Variants in SLC36A1 observed in about 807,000 individuals in gnomAD.
SLC36A1 encodes solute carrier family 36 member 1, also known as proton-coupled amino acid transporter 1.
SLC36A1 carries 30 observed loss-of-function variants against 47.5 expected under a neutral mutation model. The ratio of observed to expected loss-of-function variants is 0.63; its 90% CI spans 0.47 to 0.86. The LOEUF (loss-of-function observed/expected upper bound fraction) is 0.86, where lower values mean the gene tolerates loss of function less well. SLC36A1 is among the 40% of genes least tolerant of loss of function. The pLI is 0.00. For missense variants in SLC36A1, 517 were observed against 606.0 expected, an observed-to-expected ratio of 0.85 and a Z score of 1.54; for synonymous variants, 255 against 249.7, an observed-to-expected ratio of 1.02 and a Z score of -0.20.
the SLC36A1 span, among the ~76,000 whole-genome samples, chr5:151,417,173 A>G: frequency 1.3e-5 from 2 of 152,242 alleles, no homozygotes; most frequent in African/African-American, 2.4e-5. Context: ...GAGCACTGCT[A>G]TAAAGATACT....
At chr5:151,529,812 G>T in the SLC36A1 span, among the ~76,000 whole-genome samples, 4 of 152,090 alleles carry the variant, frequency 2.6e-5, no homozygotes, top group Non-Finnish European at 5.9e-5. Flanking sequence ...AGACCTCAGG[G>T]CATAAAATGA....
At chr5:151,367,379 A>T in the SLC36A1 span, among the ~76,000 whole-genome samples, 1 of 72,034 alleles carries the variant, frequency 1.4e-5, no homozygotes, top group African/African-American at 1.1e-4. Flanking sequence ...TTTTTTCCCC[A>T]GGGTATTAAT....
At chr5:151,523,205 A>G in the SLC36A1 span, among the ~76,000 whole-genome samples, 2 of 152,214 alleles carry the variant, frequency 1.3e-5, no homozygotes, top group Non-Finnish European at 2.9e-5. Flanking sequence ...ATTAATAGCA[A>G]CAATAATAAT....
chr5:151,532,031 G>A, the SLC36A1 span: 68 of 1,578,824 alleles, frequency 4.3e-5, no homozygotes, highest in Admixed American at 7.1e-5. Context: ...CCTGCCTGCA[G>A]CAAACCCTGC....
chr5:151,413,229 C>CTTT, the SLC36A1 span, among the ~76,000 whole-genome samples: 825 of 144,976 alleles, frequency 5.7e-3, 9 homozygotes, highest in African/African-American at 0.019. Context: ...ACCTAGGCAT[C>CTTT]TTTTTTTTTT....
chr5:151,368,200 G>T, the SLC36A1 span, among the ~76,000 whole-genome samples: 22 of 152,192 alleles, frequency 1.4e-4, no homozygotes, highest in Non-Finnish European at 1.2e-4. Flanking sequence ...GCCAAAACTG[G>T]ATGGATCATT....
the SLC36A1 span, among the ~76,000 whole-genome samples, chr5:151,389,481 T>C: frequency 3.9e-5 from 6 of 152,204 alleles, no homozygotes; most frequent in African/African-American, 1.2e-4. Flanking sequence ...TACGTATGTA[T>C]ACATGTGCGA....
At chr5:151,543,347 T>A in the SLC36A1 span, 1 of 1,614,218 alleles carries the variant, frequency 6.2e-7, no homozygotes, top group Non-Finnish European at 8.5e-7. Context: ...TTGGATTGAA[T>A]GGATACTGTG....
At chr5:151,484,840 C>T (rs979185377) in intron 10 of SLC36A1, among the ~76,000 whole-genome samples, 2 of 152,062 alleles carry the variant, frequency 1.3e-5, no homozygotes, top group Non-Finnish European at 2.9e-5. Context: ...CTGGGCATTC[C>T]AAATCCAGAG....
the SLC36A1 span, among the ~76,000 whole-genome samples, chr5:151,352,645 T>C: frequency 1.3e-5 from 2 of 152,140 alleles, no homozygotes; most frequent in Non-Finnish European, 2.9e-5. Context: ...CTGTTTCCTT[T>C]GTTGTTGTTG....
At chr5:151,369,895 A>G in the SLC36A1 span, among the ~76,000 whole-genome samples, 3 of 152,142 alleles carry the variant, frequency 2.0e-5, no homozygotes, top group African/African-American at 7.2e-5. Flanking sequence ...CCCAGATTCA[A>G]GCCATTCTCA....
At chr5:151,365,467 A>G in the SLC36A1 span, among the ~76,000 whole-genome samples, 54 of 152,320 alleles carry the variant, frequency 3.5e-4, no homozygotes, top group South Asian at 4.1e-4. Flanking sequence ...AATTGGCCCC[A>G]CCAATCAGCA....
chr5:151,427,506 GCTTAGTTC>G, the SLC36A1 span, among the ~76,000 whole-genome samples: 1 of 152,132 alleles, frequency 6.6e-6, no homozygotes, highest in East Asian at 1.9e-4. Context: ...GCCTTTTGGG[GCTTAGTTC>G]CTTATTTTTC....
chr5:151,495,853 A>G (rs144337039), downstream of SLC36A1, among the ~76,000 whole-genome samples: 3 of 152,254 alleles, frequency 2.0e-5, no homozygotes, highest in East Asian at 5.8e-4. Context: ...GCATTTATCA[A>G]TAGTTTTTTT....
chr5:151,436,446 T>G (rs1759781432), upstream of SLC36A1, among the ~76,000 whole-genome samples: 2 of 152,072 alleles, frequency 1.3e-5, no homozygotes, highest in Admixed American at 6.5e-5. Context: ...TGCACCTTCC[T>G]ATGGCAAATT....
At chr5:151,501,505 C>A in the SLC36A1 span, among the ~76,000 whole-genome samples, 1 of 147,828 alleles carries the variant, frequency 6.8e-6, no homozygotes, top group Non-Finnish European at 1.5e-5. Context: ...TGGTTTTGAA[C>A]TCCTGACCTC....
At chr5:151,372,104 T>A in the SLC36A1 span, among the ~76,000 whole-genome samples, 1 of 152,206 alleles carries the variant, frequency 6.6e-6, no homozygotes, top group Non-Finnish European at 1.5e-5. Flanking sequence ...TATGAAATAT[T>A]TTTTGGAACC....
At chr5:151,436,643 A>G (rs569122850), upstream of SLC36A1, among the ~76,000 whole-genome samples, 1 of 152,180 alleles carries the variant, frequency 6.6e-6, no homozygotes, top group African/African-American at 2.4e-5. Context: ...GTTTCCAATG[A>G]GTAAAATGAA....
chr5:151,529,295 G>A, the SLC36A1 span: 28 of 1,613,858 alleles, frequency 1.7e-5, no homozygotes, highest in African/African-American at 8.0e-5. Context: ...CTGTGGTCAC[G>A]TCACTGAGGG....
Sources: allele counts gnomAD v4.1 joint callset (sites outside exome capture counted in the v4.1 genomes callset), GRCh38; gene constraint gnomAD v4.1.1; transcripts MANE v1.5; gene names NCBI Gene and HGNC (gene_info 2026-07-23, HGNC 2026-07-21).